VAV1: variants seen among roughly 807,000 people sequenced by gnomAD.
VAV1 encodes proto-oncogene vav.
Under a neutral mutation model 128.1 loss-of-function variants are expected in VAV1, and 33 were observed. The observed-to-expected ratio is 0.26, with a 90% CI of 0.20 to 0.34. VAV1 has a LOEUF of 0.34. VAV1 is among the 10% of genes least tolerant of loss of function. The pLI is 1.00. For synonymous variants in VAV1, 394 were observed against 409.8 expected (o/e 0.96, Z 0.47); for missense variants, 715 against 1,093.7 (o/e 0.65, Z 4.88).
rs767287565 is a variant in VAV1, at chr19:6,828,525, A to G, written c.1092+38A>G. The G allele has an allele frequency of 1.2e-6, 2 of 1,613,846 alleles. No individual in the cohort carries two copies. The highest frequency in any genetic ancestry group is 1.7e-6 in the Non-Finnish European group (2 of 1,179,902). Reference sequence around the variant, plus strand: ...AGGGTGCTGGTGACTCACCTGCTGCAGACACCCTCCTGGTAGGGGCTGATC... The same window carrying G: ...AGGGTGCTGGTGACTCACCTGCTGCGGACACCCTCCTGGTAGGGGCTGATC... On this transcript the variant is annotated intron_variant, in intron 11 of 26. Transcript: ENST00000602142. This position sits in a 1 kb window ranked among gnomAD's most constrained non-coding sequence, Gnocchi z 4.5.
At chr19:6,794,214 G>A (rs1162218683) in intron 1 of VAV1, among the ~76,000 whole-genome samples, 2 of 151,832 alleles carry the variant, frequency 1.3e-5, no homozygotes, top group East Asian at 3.9e-4. Context: ...TTGGTTTATT[G>A]GTAATAAATC....
At chr19:6,794,846 G>A (rs1416211890) in intron 1 of VAV1, among the ~76,000 whole-genome samples, 2 of 152,118 alleles carry the variant, frequency 1.3e-5, no homozygotes, top group Non-Finnish European at 2.9e-5. Context: ...TAGTGATGAT[G>A]GTGCCTCAGC....
At chr19:6,833,448 T>C in intron 16 of VAV1, 80 bp from the exon 17 acceptor site, 4 of 1,447,000 alleles carry the variant, frequency 2.8e-6, no homozygotes, top group East Asian at 2.3e-5. Context: ...ACCCAAGGGG[T>C]CCCTTTATGT....
Position 6,772,976 on chromosome 19 carries a change from C to G in VAV1, c.169C>G (p.Leu57Val), listed in dbSNP as rs199610931. The G allele has an allele frequency of 6.2e-7, 1 of 1,614,140 alleles. No individual in the cohort carries two copies. Among genetic ancestry groups the G allele is most frequent in the Non-Finnish European group, 8.5e-7 (1 of 1,180,004 alleles). Residue 57 changes from leucine to valine, a missense_variant, in exon 1 of 27, where the codon CTG becomes GTG. Coordinates refer to ENST00000602142, the MANE Select transcript of VAV1 (RefSeq NM_005428.4). This position sits in a 1 kb window ranked among gnomAD's most constrained non-coding sequence, Gnocchi z 4.8. The stretch of plus-strand genomic sequence containing the variant: ...CAACCTGCTACCCCATGCCATCAAC[C>G]TGCGTGAGGTCAACCTGCGCCCCCA... ...LNNLLPHAINLREVNLRPQMS... is the reference protein window; with the variant it reads ...LNNLLPHAINVREVNLRPQMS...
chr19:6,799,942 C>T (rs914451932), intron 1 of VAV1, among the ~76,000 whole-genome samples: 2 of 150,452 alleles, frequency 1.3e-5, no homozygotes, highest in Non-Finnish European at 3.0e-5. Flanking sequence ...GCTTTCATTT[C>T]TCTTGAGTAA....
In VAV1 at chr19:6,828,937, G is replaced by A; in HGVS notation, c.1265+37G>A. On this transcript the variant is annotated intron_variant, in intron 13 of 26. Coordinates refer to ENST00000602142, the MANE Select transcript of VAV1 (RefSeq NM_005428.4). This position sits in a 1 kb window ranked among gnomAD's most constrained non-coding sequence, Gnocchi z 4.5. ...CAACATGGATCTGGGATGGAGCCTG[G>A]GCAAAGGGGTGGGACCAGGCTCCTA... The A allele has an allele frequency of 6.2e-7, 1 of 1,611,756 alleles. No homozygotes were observed. The highest frequency in any genetic ancestry group is 1.1e-5 in the South Asian group (1 of 90,966).
At chr19:6,786,635 T>A (rs895124848) in intron 1 of VAV1, among the ~76,000 whole-genome samples, 18 of 151,862 alleles carry the variant, frequency 1.2e-4, no homozygotes, top group African/African-American at 4.4e-4. Context: ...ATATAAAAAT[T>A]ACCTGGGTGT....
intron 1 of VAV1, 96 bp downstream of exon 1, chr19:6,773,107 C>T: frequency 6.7e-7 from 1 of 1,486,710 alleles, no homozygotes. Flanking sequence ...CACCTCTGGG[C>T]CTGCAAAGGA....
intron 22 of VAV1, among the ~76,000 whole-genome samples, chr19:6,843,903 A>T (rs1431835115): frequency 2.0e-5 from 3 of 151,654 alleles, no homozygotes; most frequent in Non-Finnish European, 4.4e-5. Flanking sequence ...TATAGGCAGG[A>T]AGTGTTCTTT....
Position 6,799,527 on chromosome 19 carries a change from C to T in VAV1, c.205-21175C>T, listed in dbSNP as rs182616281. 6.5e-4 allele frequency among the ~76,000 whole-genome samples: 99 copies of T among 152,212 alleles called. 2 individuals are homozygous for T. The highest frequency in any genetic ancestry group is 4.3e-4 in the Non-Finnish European group (29 of 67,998). On this transcript the variant is annotated intron_variant, in intron 1 of 26. Coordinates refer to ENST00000602142, the MANE Select transcript of VAV1 (RefSeq NM_005428.4). ...TGCAGGTTTGTTACATAGGTATACA[C>T]GTGCCATGGTGGTTTGCTGCATCCA...
At chr19:6,832,010 T>C in intron 14 of VAV1, 81 bp from the exon 15 acceptor site, 1 of 1,169,588 alleles carries the variant, frequency 8.6e-7, no homozygotes, top group Non-Finnish European at 1.2e-6. Context: ...GCCTGTTCCC[T>C]ACAGAGGGAG....
intron 22 of VAV1, among the ~76,000 whole-genome samples, chr19:6,846,357 C>T (rs373136134): frequency 2.6e-5 from 4 of 151,150 alleles, no homozygotes; most frequent in South Asian, 2.1e-4. Context: ...GAGGCTGAGG[C>T]GGGTGGATCA....
chr19:6,821,270 C>T lies in VAV1; in HGVS notation c.322-352C>T, dbSNP rs180994398. Among the ~76,000 whole-genome samples the T allele has an allele frequency of 2.5e-3, 383 of 151,560 alleles. 2 individuals carry two copies. The highest frequency in any genetic ancestry group is 0.023 in the Admixed American group (354 of 15,218). On this transcript the variant is annotated intron_variant, in intron 2 of 26. Transcript: ENST00000602142. ...CAAAAAATTAGCTGGGTGTGGTGGCCGGCGCCTGTAGTCCCAGCTACTCCG... is the reference window on the plus strand; with the variant it reads ...CAAAAAATTAGCTGGGTGTGGTGGCTGGCGCCTGTAGTCCCAGCTACTCCG...
rs1453517208 is a variant in VAV1 at position 6,822,385 on chromosome 19, G to A, written c.559-34G>A. ...GGGCGTGGGCGGGGGGCAGCCCCAG[G>A]CCCCCCAACACCGGCCTCTCCCCTC... On this transcript the variant is annotated intron_variant, in intron 5 of 26. Coordinates refer to ENST00000602142, the MANE Select transcript of VAV1 (RefSeq NM_005428.4). This position sits in a 1 kb window ranked among gnomAD's most constrained non-coding sequence, Gnocchi z 5.9. 3 of 1,553,406 alleles carry A rather than the reference G, an allele frequency of 1.9e-6. No individual in the cohort carries two copies. Among genetic ancestry groups the A allele is most frequent in the Non-Finnish European group, 1.7e-6 (2 of 1,149,674 alleles).
chr19:6,805,658 A>G (rs993608746), intron 1 of VAV1, among the ~76,000 whole-genome samples: 8 of 151,494 alleles, frequency 5.3e-5, no homozygotes, highest in Non-Finnish European at 1.2e-4. Context: ...TTCAGGATGA[A>G]TCAACCACAT....
At chr19:6,799,394 T>C (rs1971212524) in intron 1 of VAV1, among the ~76,000 whole-genome samples, 1 of 152,072 alleles carries the variant, frequency 6.6e-6, no homozygotes, top group Admixed American at 6.6e-5. Context: ...GGTCTCGAAC[T>C]CCTGACCTCA....
At position 6,836,480 on chromosome 19, in the gene VAV1, C is replaced by T. The variant is rs796871083; in HGVS notation, c.1826C>T (p.Pro609Leu). Residue 609 changes from proline to leucine, a missense_variant, in exon 20 of 27, where the codon CCC (proline) becomes CTC (leucine). Around this residue, in one of 3 missense-constraint regions of VAV1, gnomAD observed 407 missense variants for 580.6 expected, o/e 0.70. Coordinates refer to ENST00000602142, the MANE Select transcript of VAV1 (RefSeq NM_005428.4). ...VFQEYYGLPP[P>L]PGAIGPFLRL... Reference sequence around the variant, plus strand: ...CAGGAATACTACGGGCTTCCTCCACCCCCTGGAGCCATTGGACCCTTTCTA... The same window carrying T: ...CAGGAATACTACGGGCTTCCTCCACTCCCTGGAGCCATTGGACCCTTTCTA... The T allele has an allele frequency of 3.1e-6, 5 of 1,613,978 alleles. No homozygotes were observed. Among genetic ancestry groups the T allele is most frequent in the African/African-American group, 1.3e-5 (1 of 74,896 alleles).
rs763208696 is a variant in VAV1, at chr19:6,822,509, C to A, written c.649C>A (p.Gln217Lys). Residue 217 changes from glutamine (Q) to lysine (K), a missense_variant, in exon 6 of 27, where the codon CAG (glutamine) becomes AAG (lysine). Gln to Lys is a moderately conservative substitution (Grantham distance 53, BLOSUM62 1). This residue lies in a region of VAV1 where 302 missense variants were observed against 477.8 expected (regional missense o/e 0.63). Transcript: ENST00000602142. The surrounding 1 kb of genome is among the most constrained non-coding windows in gnomAD (Gnocchi z 5.9). Reference protein sequence around the residue: ...EKYTDTLGSIQQHFLKPLQRF... With the variant: ...EKYTDTLGSIKQHFLKPLQRF... ...GTACACTGACACGCTGGGCTCCATC[C>A]AGCAGGTGGGCGCCTCCCACCCAGC... The A allele has an allele frequency of 6.5e-6, 10 of 1,548,312 alleles. No homozygotes were observed. The Admixed American group carries it at 1.2e-4, about 18-fold the overall frequency.
chr19:6,778,938 A>G (rs111896466), intron 1 of VAV1, among the ~76,000 whole-genome samples: 16,801 of 145,934 alleles, frequency 0.12, 1,045 homozygotes, highest in Middle Eastern at 0.13. Flanking sequence ...GTGCAGTGGT[A>G]TGATCACAGC....
Sources: allele counts gnomAD v4.1 joint callset (sites outside exome capture counted in the v4.1 genomes callset), GRCh38; gene constraint gnomAD v4.1.1; regional missense constraint gnomAD v4.1.1; non-coding constraint Gnocchi (gnomAD v3.1); transcripts MANE v1.5; gene names NCBI Gene and HGNC (gene_info 2026-07-23, HGNC 2026-07-21).